PSPC1: variants seen among roughly 807,000 people sequenced by gnomAD.
The protein encoded by PSPC1 is paraspeckle component 1, also known as paraspeckle protein 1.
In PSPC1, 14 loss-of-function variants were observed where a neutral mutation model predicts 51.6. The observed-to-expected ratio is 0.27, with a 90% CI of 0.18 to 0.42. The LOEUF is 0.42. PSPC1 is among the 10% of genes least tolerant of loss of function. The pLI is 1.00. For missense variants in PSPC1, 406 were observed against 701.1 expected (o/e 0.58, Z 4.75); for synonymous variants, 193 against 231.9 (o/e 0.83, Z 1.53).
At chr13:19,690,930 T>C (rs567177853) in intron 6 of PSPC1, among the ~76,000 whole-genome samples, 1 of 152,318 alleles carries the variant, frequency 6.6e-6, no homozygotes, top group South Asian at 2.1e-4. Context: ...AAGAATTTCT[T>C]TATGCACTTT....
chr13:19,747,072 C>A (rs548183857), intron 4 of PSPC1, among the ~76,000 whole-genome samples: 1 of 151,610 alleles, frequency 6.6e-6, no homozygotes, highest in East Asian at 2.0e-4. Context: ...GGCGCCATTT[C>A]ACTCCAGCCT....
downstream of PSPC1, among the ~76,000 whole-genome samples, chr13:19,701,571 T>C (rs940174834): frequency 3.3e-5 from 5 of 152,150 alleles, no homozygotes; most frequent in Non-Finnish European, 7.4e-5. Flanking sequence ...CCATCCACAC[T>C]GTGTATCAAA....
chr13:19,732,518 A>T (rs1158047937), intron 5 of PSPC1, among the ~76,000 whole-genome samples: 2 of 152,248 alleles, frequency 1.3e-5, no homozygotes, highest in African/African-American at 4.8e-5. Flanking sequence ...ATATTTCTGC[A>T]GTAAGATAAA....
At chr13:19,729,800 C>T (rs1883825878) in intron 6 of PSPC1, among the ~76,000 whole-genome samples, 2 of 151,956 alleles carry the variant, frequency 1.3e-5, no homozygotes, top group South Asian at 2.1e-4. Context: ...TTTCAAATAA[C>T]ATAAATTGGG....
intron 5 of PSPC1, among the ~76,000 whole-genome samples, chr13:19,739,756 TA>T (rs535908219): frequency 2.1e-5 from 3 of 140,230 alleles, no homozygotes; most frequent in Admixed American, 1.5e-4. Flanking sequence ...AAATAAAATT[TA>T]AAAAAAAAGT....
downstream of PSPC1, chr13:19,671,424 C>A: frequency 2.9e-6 from 2 of 694,994 alleles, no homozygotes; most frequent in Non-Finnish European, 4.9e-6. Context: ...GGTAGTGATG[C>A]TAGGTGCACC....
chr13:19,778,235 C>T (rs1344612705), intron 1 of PSPC1, among the ~76,000 whole-genome samples: 3 of 148,138 alleles, frequency 2.0e-5, no homozygotes, highest in Admixed American at 1.3e-4. Context: ...AGCAAGATTC[C>T]GTCTCAAAAA....
In PSPC1 at chr13:19,714,136, C is replaced by A. The variant is rs532942627; in HGVS notation, c.1159-4537G>T. On this transcript the variant is annotated intron_variant, in intron 6 of 8. Coordinates refer to ENST00000338910, the MANE Select transcript of PSPC1 (RefSeq NM_001354909.2). ...CATGGGTACATGCTTTTTTCATGTTCTTCACAATAAAACAGGATTTGTCCA... is the reference window on the plus strand; with the variant it reads ...CATGGGTACATGCTTTTTTCATGTTATTCACAATAAAACAGGATTTGTCCA... Among the ~76,000 whole-genome samples the A allele has an allele frequency of 3.9e-5, 6 of 152,208 alleles. No individual in the cohort carries two copies. The South Asian group carries it at 1.2e-3, about 31-fold the overall frequency.
chr13:19,675,431 C>G (rs1301800120), intron 7 of PSPC1: 1 of 152,230 alleles, frequency 6.6e-6, no homozygotes, highest in South Asian at 2.1e-4. Context: ...AAGCCAAAAC[C>G]CTCAATGCAA....
At position 19,765,344 on chromosome 13, in the gene PSPC1, A is replaced by AATTATTATT. The variant is rs749463540; in HGVS notation, c.675-5935_675-5927dup. Among the ~76,000 whole-genome samples the AATTATTATT allele has an allele frequency of 1.8e-3, 259 of 141,350 alleles. 1 individual carries two copies. The highest frequency in any genetic ancestry group is 3.7e-3 in the Middle Eastern group (1 of 272). 92.7% of individuals were successfully genotyped at this position (141,350 alleles called of 152,430 possible). A position where few individuals can be genotyped will look rare whatever the true frequency, so the allele number is the denominator to read the frequency against. On this transcript the variant is annotated intron_variant, in intron 2 of 8. Transcript: ENST00000338910. ...TCTCAAAAATAATAATAATAATAAT[A>AATTATTATT]ATTATTATTATTATTATTATTACCA...
chr13:19,747,931 AG>A (rs1433497898), intron 4 of PSPC1, among the ~76,000 whole-genome samples: 1 of 152,240 alleles, frequency 6.6e-6, no homozygotes, highest in African/African-American at 2.4e-5. Flanking sequence ...ACAAAATTGT[AG>A]GCCGGGTACA....
chr13:19,709,651 A>G (rs1881152015), intron 6 of PSPC1, 52 bp from the exon 7 acceptor site: 1 of 1,302,060 alleles, frequency 7.7e-7, no homozygotes, highest in South Asian at 1.3e-5. Context: ...ATGACTTTAC[A>G]TTTCCCATCT....
At chr13:19,689,953 T>C (rs529941511) in intron 6 of PSPC1, among the ~76,000 whole-genome samples, 1 of 152,068 alleles carries the variant, frequency 6.6e-6, no homozygotes, top group South Asian at 2.1e-4. Flanking sequence ...AGCAAGCAAC[T>C]GAAAAAAAGG....
At chr13:19,692,034 A>G (rs1280703680) in intron 6 of PSPC1, among the ~76,000 whole-genome samples, 1 of 152,202 alleles carries the variant, frequency 6.6e-6, no homozygotes, top group African/African-American at 2.4e-5. Context: ...AATCAGATAA[A>G]GTCCTGTGGT....
At chr13:19,771,633 G>A (rs1318430919) in intron 2 of PSPC1, among the ~76,000 whole-genome samples, 1 of 144,808 alleles carries the variant, frequency 6.9e-6, no homozygotes, top group Non-Finnish European at 1.5e-5. Context: ...ATGAGGTTTT[G>A]TTTTTTTTTT....
At chr13:19,715,774 G>T (rs1423213309) in intron 6 of PSPC1, among the ~76,000 whole-genome samples, 3 of 152,102 alleles carry the variant, frequency 2.0e-5, no homozygotes, top group South Asian at 4.1e-4. Context: ...AGCACTTTGG[G>T]AGGCTGAGGC....
chr13:19,676,276 A>C (rs1050954826), intron 7 of PSPC1, among the ~76,000 whole-genome samples: 7 of 152,192 alleles, frequency 4.6e-5, no homozygotes, highest in African/African-American at 1.7e-4. Context: ...CATAGACTAG[A>C]AAATTATTCT....
intron 7 of PSPC1, among the ~76,000 whole-genome samples, chr13:19,676,429 G>C (rs978965422): frequency 6.6e-6 from 1 of 152,150 alleles, no homozygotes; most frequent in East Asian, 1.9e-4. Flanking sequence ...GCTGGGTACA[G>C]TATGCAAAAC....
intron 1 of PSPC1, among the ~76,000 whole-genome samples, chr13:19,775,575 C>T (rs1029421709): frequency 4.6e-5 from 7 of 152,090 alleles, no homozygotes; most frequent in African/African-American, 1.7e-4. Context: ...GAATCAATCC[C>T]CCACAGATAC....
Sources: allele counts gnomAD v4.1 joint callset (sites outside exome capture counted in the v4.1 genomes callset), GRCh38; gene constraint gnomAD v4.1.1; transcripts MANE v1.5; gene names NCBI Gene and HGNC (gene_info 2026-07-23, HGNC 2026-07-21).